LRRC8A: variants seen among roughly 807,000 people sequenced by gnomAD.
LRRC8A encodes volume-regulated anion channel subunit LRRC8A.
Under a neutral mutation model 52.5 loss-of-function variants are expected in LRRC8A, and 24 were observed. The ratio of observed to expected loss-of-function variants is 0.46; its 90% CI spans 0.33 to 0.64. LRRC8A has a LOEUF of 0.64. Among genes scored for constraint, LRRC8A ranks in the 30% least tolerant of loss-of-function variants. The probability of loss-of-function intolerance (pLI) is 0.02; values close to 1 mark genes in which losing one functional copy is unlikely to be tolerated. For missense variants in LRRC8A, 677 were observed against 1,094.7 expected (o/e 0.62, Z 5.38); for synonymous variants, 492 against 494.2 (o/e 1.00, Z 0.06).
Position 128,907,050 on chromosome 9 carries a change from G to A in LRRC8A, c.-8-107G>A, listed in dbSNP as rs1840279808. 3 of 968,972 alleles carry A rather than the reference G, an allele frequency of 3.1e-6. No individual in the cohort carries two copies. The highest frequency in any genetic ancestry group is 4.8e-5 in the East Asian group (2 of 41,426). 60.0% of individuals were successfully genotyped at this position (968,972 alleles called of 1,614,324 possible). A position where few individuals can be genotyped will look rare whatever the true frequency, so the allele number is the denominator to read the frequency against. On this transcript the variant is annotated intron_variant, in intron 2 of 3. Coordinates refer to ENST00000372600, the MANE Select transcript of LRRC8A (RefSeq NM_019594.4). The surrounding 1 kb of genome is among the most constrained non-coding windows in gnomAD (Gnocchi z 9.3). ...TTTGGCTCCCAGCTAGATTTGAGGT[G>A]GAATTTTGGACAATGGAAGAATTTT...
chr9:128,894,360 T>C (rs1233605176), intron 2 of LRRC8A, among the ~76,000 whole-genome samples: 2 of 151,834 alleles, frequency 1.3e-5, no homozygotes, highest in African/African-American at 4.8e-5. Context: ...GGTGGGTGCC[T>C]ATAGTCCCAG....
chr9:128,884,572 AG>A (rs1839315230), intron 1 of LRRC8A, among the ~76,000 whole-genome samples: 1 of 152,158 alleles, frequency 6.6e-6, no homozygotes, highest in Non-Finnish European at 1.5e-5. Flanking sequence ...AATATTACAG[AG>A]GCAGCCCAGA....
chr9:128,902,951 G>A lies in LRRC8A; in HGVS notation c.-8-4206G>A, dbSNP rs1024640214. 6.6e-6 allele frequency among the ~76,000 whole-genome samples: 1 copy of A among 152,182 alleles called. No individual in the cohort carries two copies. Among genetic ancestry groups the A allele is most frequent in the African/African-American group, 2.4e-5 (1 of 41,446 alleles). On this transcript the variant is annotated intron_variant, in intron 2 of 3. Coordinates refer to ENST00000372600, the MANE Select transcript of LRRC8A (RefSeq NM_019594.4). This position sits in a 1 kb window ranked among gnomAD's most constrained non-coding sequence, Gnocchi z 4.1. ...GCTGGTAATGCTGAGGGGCGGGGAA[G>A]CTGCACTCCCAGTCCTGTTTCTCTT...
Position 128,911,854 on chromosome 9 carries a change from ACCCCAGGCAGG to A in LRRC8A, c.2157+2538_2157+2548del, listed in dbSNP as rs1397806764. Among the ~76,000 whole-genome samples, 1 of 152,138 alleles carries A rather than the reference ACCCCAGGCAGG, an allele frequency of 6.6e-6. No individual in the cohort carries two copies. On this transcript the variant is annotated intron_variant, in intron 3 of 3. Transcript: ENST00000372600. The surrounding 1 kb of genome is among the most constrained non-coding windows in gnomAD (Gnocchi z 4.9). Reference sequence around the variant, plus strand: ...TAGGGAAAACAGTTCACTTGGGCCAACCCCAGGCAGGCCCCTCATTCTGAGTGGGAGGCCTG... The same window carrying A: ...TAGGGAAAACAGTTCACTTGGGCCAACCCCTCATTCTGAGTGGGAGGCCTG...
rs755282962 is a variant in LRRC8A at position 128,905,296 on chromosome 9, T to C, written c.-8-1861T>C. Among the ~76,000 whole-genome samples, 72 of 152,388 alleles carry C rather than the reference T, an allele frequency of 4.7e-4. 1 individual carries two copies. Among genetic ancestry groups the C allele is most frequent in the Middle Eastern group, 3.4e-3 (1 of 294 alleles). The stretch of plus-strand genomic sequence containing the variant: ...AAGCGGATTCTTCTTTTTTTGCTGC[T>C]ACGCTTTTTTACAATTTTCCGTATG... On this transcript the variant is annotated intron_variant, in intron 2 of 3. Transcript: ENST00000372600.
At chr9:128,903,356 A>G (rs1840102658) in intron 2 of LRRC8A, among the ~76,000 whole-genome samples, 2 of 151,272 alleles carry the variant, frequency 1.3e-5, no homozygotes, top group South Asian at 4.2e-4. Context: ...CCCATCCAGC[A>G]TAGCCTAGAA....
chr9:128,893,039 C>T (rs907962173), intron 2 of LRRC8A, among the ~76,000 whole-genome samples: 3 of 152,156 alleles, frequency 2.0e-5, no homozygotes, highest in Non-Finnish European at 4.4e-5. Flanking sequence ...CTCTCTGGGA[C>T]AGAGTGGGCA....
intron 2 of LRRC8A, among the ~76,000 whole-genome samples, chr9:128,893,873 G>A (rs1227545266): frequency 1.3e-5 from 2 of 150,962 alleles, no homozygotes; most frequent in Non-Finnish European, 2.9e-5. Context: ...TAATGAGTTT[G>A]TTATTGATAT....
rs547411442 is a variant in LRRC8A at position 128,892,941 on chromosome 9, C to T, written c.-9+6820C>T. Among the ~76,000 whole-genome samples the T allele has an allele frequency of 7.2e-5, 11 of 152,186 alleles. No homozygotes were observed. Among genetic ancestry groups the T allele is most frequent in the Admixed American group, 5.2e-4 (8 of 15,280 alleles). On this transcript the variant is annotated intron_variant, in intron 2 of 3. Transcript: ENST00000372600. This position sits in a 1 kb window ranked among gnomAD's most constrained non-coding sequence, Gnocchi z 5.2. ...AAAGGCTCTCTGTGCCCTGTTTACC[C>T]GCAGCCCGACTGCCTGCCGCCCAGG...
In LRRC8A at chr9:128,898,771, G is replaced by T. The variant is rs985847494; in HGVS notation, c.-8-8386G>T. ...GCAGAGCCAGTCTGGCCCTGGCCCG[G>T]CCCTTGCCTCCAAGCTCATGTAGGC... On this transcript the variant is annotated intron_variant, in intron 2 of 3. Coordinates refer to ENST00000372600, the MANE Select transcript of LRRC8A (RefSeq NM_019594.4). Among the ~76,000 whole-genome samples the T allele has an allele frequency of 2.6e-5, 4 of 152,246 alleles. No homozygotes were observed. The East Asian group carries it at 7.7e-4, about 29-fold the overall frequency.
chr9:128,916,061 C>G lies in LRRC8A; in HGVS notation c.2158-35C>G. ...CCAGAGGCCCCGTCCAAGCCCACAC[C>G]CACCTCACTCTCACCCCTGCTTTTT... On this transcript the variant is annotated intron_variant, in intron 3 of 3. Transcript: ENST00000372600. The surrounding 1 kb of genome is among the most constrained non-coding windows in gnomAD (Gnocchi z 6.1). The G allele has an allele frequency of 1.3e-6, 2 of 1,571,082 alleles. No homozygotes were observed. Among genetic ancestry groups the G allele is most frequent in the Non-Finnish European group, 1.7e-6 (2 of 1,153,940 alleles).
rs1358848557 is a variant in LRRC8A, at chr9:128,916,390, A to G, written c.*19A>G. ...GGCCTGAGCGAGGCCGGCCCAGCAC[A>G]GCAAGCAGCAGGACCGCTGCCCAGT... On this transcript the variant is annotated 3_prime_UTR_variant, in exon 4 of 4. Transcript: ENST00000372600. The surrounding 1 kb of genome is among the most constrained non-coding windows in gnomAD (Gnocchi z 6.1). 1.3e-6 allele frequency: 2 copies of G among 1,599,280 alleles called. No individual in the cohort carries two copies. The highest frequency in any genetic ancestry group is 1.1e-5 in the South Asian group (1 of 90,278).
At chr9:128,890,682 C>G (rs1839581659) in intron 2 of LRRC8A, among the ~76,000 whole-genome samples, 1 of 152,192 alleles carries the variant, frequency 6.6e-6, no homozygotes, top group African/African-American at 2.4e-5. Flanking sequence ...CCCTGGCTCA[C>G]CTAGGGCTTG....
At chr9:128,889,967 T>A (rs2130941322) in intron 2 of LRRC8A, among the ~76,000 whole-genome samples, 1 of 152,002 alleles carries the variant, frequency 6.6e-6, no homozygotes, top group East Asian at 1.9e-4. Context: ...CACGCCTGGC[T>A]AATTTTTGTA....
chr9:128,907,962 G>T lies in LRRC8A; in HGVS notation c.798G>T (p.Arg266=). 6.2e-7 allele frequency: 1 copy of T among 1,614,116 alleles called. No individual in the cohort carries two copies. Among genetic ancestry groups the T allele is most frequent in the Non-Finnish European group, 8.5e-7 (1 of 1,180,024 alleles). ...EGDIVYRLYM[R]QTIIKVIKFI... Reference sequence around the variant, plus strand: ...ACATTGTGTACCGCCTCTACATGCGGCAGACCATCATCAAGGTGATCAAGT... The same window carrying T: ...ACATTGTGTACCGCCTCTACATGCGTCAGACCATCATCAAGGTGATCAAGT... The change falls in exon 3 of 4, where the codon CGG becomes CGT. Residue 266 remains arginine (R), a synonymous_variant. Transcript: ENST00000372600. This position sits in a 1 kb window ranked among gnomAD's most constrained non-coding sequence, Gnocchi z 9.3.
chr9:128,884,644 G>C (rs1839318063), intron 1 of LRRC8A, among the ~76,000 whole-genome samples: 1 of 152,194 alleles, frequency 6.6e-6, no homozygotes, highest in South Asian at 2.1e-4. Flanking sequence ...CTTTCTGGAA[G>C]AGGAGGGACT....
intron 2 of LRRC8A, among the ~76,000 whole-genome samples, chr9:128,890,130 T>TTG (rs57721007): frequency 0.097 from 12,414 of 128,216 alleles, 617 homozygotes; most frequent in African/African-American, 0.14. Flanking sequence ...TGGCTTCATT[T>TTG]TGTGTGTGTG....
At position 128,899,379 on chromosome 9, in the gene LRRC8A, A is replaced by G. The variant is rs1199907911; in HGVS notation, c.-8-7778A>G. Among the ~76,000 whole-genome samples the G allele has an allele frequency of 2.0e-5, 3 of 152,006 alleles. No individual in the cohort carries two copies. Among genetic ancestry groups the G allele is most frequent in the Non-Finnish European group, 2.9e-5 (2 of 67,974 alleles). ...TCTGACCACACCCAGGTGCACCCCA[A>G]GAAGGGCTCTCGGTGGGGTCTGCTC... On this transcript the variant is annotated intron_variant, in intron 2 of 3. Coordinates refer to ENST00000372600, the MANE Select transcript of LRRC8A (RefSeq NM_019594.4). This position sits in a 1 kb window ranked among gnomAD's most constrained non-coding sequence, Gnocchi z 4.0.
At chr9:128,888,263 G>A (rs1839474386) in intron 2 of LRRC8A, among the ~76,000 whole-genome samples, 1 of 152,166 alleles carries the variant, frequency 6.6e-6, no homozygotes, top group Non-Finnish European at 1.5e-5. Flanking sequence ...GAAGCAGCAG[G>A]TCCTGCTTGT....
Sources: gnomAD v4.1 joint callset for allele counts (sites outside exome capture counted in the v4.1 genomes callset) on GRCh38, gnomAD v4.1.1 for gene constraint, Gnocchi (gnomAD v3.1) non-coding constraint, MANE v1.5 for transcripts, NCBI Gene and HGNC (gene_info 2026-07-23, HGNC 2026-07-21) for gene names.